The following EDEM2 variants were observed in gnomAD, a reference collection of about 807,000 sequenced individuals.
The protein encoded by EDEM2 is ER degradation enhancing alpha-mannosidase like protein 2.
EDEM2 carries 39 observed loss-of-function variants against 64.8 expected under a neutral mutation model. The observed-to-expected ratio is 0.60, with a 90% CI of 0.47 to 0.79. The LOEUF is 0.79. Among genes scored for constraint, EDEM2 ranks in the 30% least tolerant of loss-of-function variants. EDEM2 has a pLI of 0.00. For missense variants in EDEM2, 609 were observed against 731.3 expected (o/e 0.83, Z 1.93); for synonymous variants, 296 against 291.5 (o/e 1.02, Z -0.16).
rs766700965 is a variant in EDEM2, at chr20:35,134,798, G to A, written c.642C>T (p.Phe214=). ...TLSSLTGDPV[F]EDVARVALMR... ...TCAAAGCCACTCTGGCCACATCTTCGAACACCGGGTCACCAGTGAGGCTGC... is the reference window on the plus strand; with the variant it reads ...TCAAAGCCACTCTGGCCACATCTTCAAACACCGGGTCACCAGTGAGGCTGC... The change falls in exon 6 of 11, where the codon TTC becomes TTT. Residue 214 remains phenylalanine (F), a synonymous_variant. Coordinates refer to ENST00000374492, the MANE Select transcript of EDEM2 (RefSeq NM_018217.3). 8.7e-6 allele frequency: 14 copies of A among 1,613,848 alleles called. No individual in the cohort carries two copies. The highest frequency in any genetic ancestry group is 5.5e-5 in the South Asian group (5 of 91,056).
intron 7 of EDEM2, among the ~76,000 whole-genome samples, chr20:35,126,763 T>C (rs1045985733): frequency 3.3e-5 from 5 of 151,936 alleles, no homozygotes; most frequent in African/African-American, 7.3e-5. Flanking sequence ...AAATACAAAA[T>C]TAGCCAGGTG....
chr20:35,131,826 G>T (rs769031625), intron 6 of EDEM2, 43 bp from the exon 7 acceptor site: 1 of 1,596,996 alleles, frequency 6.3e-7, no homozygotes, highest in Non-Finnish European at 8.6e-7. Context: ...GAAGGCCGAT[G>T]GCCAAAGAAG....
intron 5 of EDEM2, among the ~76,000 whole-genome samples, chr20:35,136,144 A>T (rs2085572838): frequency 6.6e-6 from 1 of 152,260 alleles, no homozygotes; most frequent in Non-Finnish European, 1.5e-5. Flanking sequence ...GGCAGGCACC[A>T]GCGGGAGAGC....
At chr20:35,143,531 T>C (rs2085686381) in intron 3 of EDEM2, among the ~76,000 whole-genome samples, 1 of 152,216 alleles carries the variant, frequency 6.6e-6, no homozygotes, top group African/African-American at 2.4e-5. Context: ...CTAGACTTTC[T>C]TTTACTTGAG....
At chr20:35,123,513 A>G (rs2146091407) in intron 9 of EDEM2, among the ~76,000 whole-genome samples, 1 of 152,078 alleles carries the variant, frequency 6.6e-6, no homozygotes, top group East Asian at 1.9e-4. Context: ...AATCGCTTGA[A>G]CCCAGGAGGC....
chr20:35,126,843 C>T (rs983002716), intron 7 of EDEM2, among the ~76,000 whole-genome samples: 1 of 152,060 alleles, frequency 6.6e-6, no homozygotes, highest in Non-Finnish European at 1.5e-5. Flanking sequence ...ACCCAGGAGG[C>T]GGAGGTTGCT....
intron 2 of EDEM2, 119 bp from the exon 3 acceptor site, chr20:35,145,137 C>T (rs2085711736): frequency 2.1e-6 from 2 of 945,936 alleles, no homozygotes; most frequent in Non-Finnish European, 3.2e-6. Flanking sequence ...CTGCCTGTCC[C>T]ACTTACAGTC....
chr20:35,142,771 G>C (rs2085675316), intron 3 of EDEM2, among the ~76,000 whole-genome samples: 1 of 151,898 alleles, frequency 6.6e-6, no homozygotes, highest in Non-Finnish European at 1.5e-5. Context: ...TAGGTTTTTT[G>C]TTTCGTTTTT....
chr20:35,145,160 CCA>C lies in EDEM2; in HGVS notation c.219-144_219-143del, dbSNP rs2085712050. ...CCCACTTACAGTCACAACAGAGAAA[CCA>C]CAGTGAAAATCGCAGGTATTCTCTG... On this transcript the variant is annotated intron_variant, in intron 2 of 10. Coordinates refer to ENST00000374492, the MANE Select transcript of EDEM2 (RefSeq NM_018217.3). 23 of 823,570 alleles carry C rather than the reference CCA, an allele frequency of 2.8e-5. No homozygotes were observed. In the South Asian group the frequency reaches 4.1e-4, roughly 15 times the overall value. 51.0% of individuals were successfully genotyped at this position (823,570 alleles called of 1,614,324 possible).
At chr20:35,131,532 C>T (rs1053735376) in intron 7 of EDEM2, 110 bp downstream of exon 7, 2 of 1,401,066 alleles carry the variant, frequency 1.4e-6, no homozygotes, top group African/African-American at 1.4e-5. Context: ...TGCCACTGCA[C>T]TCCAGCCTGG....
chr20:35,125,925 G>A (rs960822010), intron 8 of EDEM2, among the ~76,000 whole-genome samples: 1 of 152,078 alleles, frequency 6.6e-6, no homozygotes, highest in Non-Finnish European at 1.5e-5. Context: ...CCTTCCTGAG[G>A]CCCACTGTCA....
chr20:35,145,292 A>G (rs2085713988), intron 2 of EDEM2, among the ~76,000 whole-genome samples: 1 of 152,220 alleles, frequency 6.6e-6, no homozygotes, highest in South Asian at 2.1e-4. Flanking sequence ...GCAGTATAAG[A>G]TTGCAGCTTA....
At chr20:35,127,149 C>CA (rs2085444698) in intron 7 of EDEM2, among the ~76,000 whole-genome samples, 1 of 152,300 alleles carries the variant, frequency 6.6e-6, no homozygotes, top group African/African-American at 2.4e-5. Context: ...CTCTTGCCTG[C>CA]ACCATGTAAG....
chr20:35,138,756 AT>A lies in EDEM2; in HGVS notation c.365-752del, dbSNP rs745885368. ...CACCATGCCCGGCTAATTTTTTTGGATTTTTTTTTTGTAGACACGGTGTTTC... is the reference window on the plus strand; with the variant it reads ...CACCATGCCCGGCTAATTTTTTTGGATTTTTTTTTGTAGACACGGTGTTTC... On this transcript the variant is annotated intron_variant, in intron 4 of 10. Coordinates refer to ENST00000374492, the MANE Select transcript of EDEM2 (RefSeq NM_018217.3). 4.3e-4 allele frequency among the ~76,000 whole-genome samples: 63 copies of A among 145,170 alleles called. No individual in the cohort carries two copies. The East Asian group carries it at 4.8e-3, about 11-fold the overall frequency.
Position 35,118,580 on chromosome 20 carries a change from G to A in EDEM2, c.1236+18C>T, listed in dbSNP as rs1215602214. The A allele has an allele frequency of 1.2e-6, 2 of 1,613,788 alleles. No individual in the cohort carries two copies. The highest frequency in any genetic ancestry group is 1.7e-5 in the Admixed American group (1 of 60,006). ...AGGGGAGACTCTTCCCAGTTCTTGG[G>A]GCCATGCAAACACTTACTGTTGCAA... On this transcript the variant is annotated intron_variant, in intron 10 of 10. Transcript: ENST00000374492.
intron 6 of EDEM2, 70 bp from the exon 7 acceptor site, chr20:35,131,853 A>G: frequency 6.4e-7 from 1 of 1,558,262 alleles, no homozygotes; most frequent in Non-Finnish European, 8.7e-7. Flanking sequence ...CTCACCCCCA[A>G]CCCTGACTGC....
chr20:35,130,560 T>TACTATATTGCCCAGGCTGGTCTC (rs2085493903), intron 7 of EDEM2, among the ~76,000 whole-genome samples: 2 of 152,082 alleles, frequency 1.3e-5, no homozygotes, highest in African/African-American at 4.8e-5. Flanking sequence ...GAGGGGGTCT[T>TACTATATTGCCCAGGCTGGTCTC]ACTATATTGC....
At chr20:35,125,707 TGA>T (rs2085424119) in intron 8 of EDEM2, among the ~76,000 whole-genome samples, 1 of 152,070 alleles carries the variant, frequency 6.6e-6, no homozygotes, top group Admixed American at 6.6e-5. Context: ...TTTGTAGAGA[TGA>T]GGTCTCACTA....
chr20:35,126,356 C>A lies in EDEM2; in HGVS notation c.864G>T (p.Arg288=). The change falls in exon 8 of 11, where the codon CGG becomes CGT. Residue 288 remains arginine, a synonymous_variant. Transcript: ENST00000374492. ...AMFLEYNKAI[R]NYTRFDDWYL... is the part of the protein sequence containing the mutation. ...ACCAGTCATCGAAGCGGGTGTAGTT[C>A]CGGATGGCTTTGTTATACTCTGCAG... The A allele has an allele frequency of 1.9e-6, 3 of 1,613,968 alleles. No individual in the cohort carries two copies. Among genetic ancestry groups the A allele is most frequent in the Non-Finnish European group, 2.5e-6 (3 of 1,180,002 alleles).
Sources: gnomAD v4.1 joint callset for allele counts (sites outside exome capture counted in the v4.1 genomes callset) on GRCh38, gnomAD v4.1.1 for gene constraint, MANE v1.5 for transcripts, NCBI Gene and HGNC (gene_info 2026-07-23, HGNC 2026-07-21) for gene names.